FSTL4: variants seen among roughly 807,000 people sequenced by gnomAD.
The protein encoded by FSTL4 is follistatin like 4.
A neutral mutation model predicts 78.2 loss-of-function variants in FSTL4; 28 were observed. The ratio of observed to expected loss-of-function variants is 0.36; its 90% CI spans 0.27 to 0.49. FSTL4 has a LOEUF of 0.49. Among genes scored for constraint, FSTL4 ranks in the 20% least tolerant of loss-of-function variants. The probability of loss-of-function intolerance (pLI) is 0.98; values close to 1 mark genes in which losing one functional copy is unlikely to be tolerated. For synonymous variants in FSTL4, 422 were observed against 440.5 expected, an observed-to-expected ratio of 0.96 and a Z score of 0.53; for missense variants, 922 against 1,084.9, an observed-to-expected ratio of 0.85 and a Z score of 2.11.
the FSTL4 span, among the ~76,000 whole-genome samples, chr5:133,701,248 C>G: frequency 1.3e-5 from 2 of 151,728 alleles, no homozygotes; most frequent in Non-Finnish European, 2.9e-5. Flanking sequence ...ACTAAAAATA[C>G]AAAAATTAGC....
At chr5:133,667,051 T>C in the FSTL4 span, among the ~76,000 whole-genome samples, 2 of 152,248 alleles carry the variant, frequency 1.3e-5, no homozygotes, top group African/African-American at 4.8e-5. Flanking sequence ...CTAATAGGCA[T>C]TAAAAACTGA....
chr5:133,468,395 T>G (rs952975332), intron 3 of FSTL4, among the ~76,000 whole-genome samples: 3 of 152,202 alleles, frequency 2.0e-5, no homozygotes, highest in African/African-American at 7.2e-5. Context: ...TTTGTGGCTG[T>G]CTGTATTTTG....
At chr5:133,409,038 G>A (rs1756428017) in intron 3 of FSTL4, among the ~76,000 whole-genome samples, 1 of 152,162 alleles carries the variant, frequency 6.6e-6, no homozygotes, top group African/African-American at 2.4e-5. Context: ...TTTTTAAAAA[G>A]GCAGATGCAA....
the FSTL4 span, among the ~76,000 whole-genome samples, chr5:133,819,676 CA>C: frequency 6.6e-6 from 1 of 152,208 alleles, no homozygotes; most frequent in Non-Finnish European, 1.5e-5. Flanking sequence ...CGCATTGTTC[CA>C]GATGAGACCT....
chr5:133,462,466 T>G (rs1186971944), intron 3 of FSTL4, among the ~76,000 whole-genome samples: 1 of 152,252 alleles, frequency 6.6e-6, no homozygotes, highest in African/African-American at 2.4e-5. Context: ...TGGCCCAGAA[T>G]TCAATTCAAC....
rs568919225 is a variant in FSTL4 at position 133,515,423 on chromosome 5, C to G, written c.160+51763G>C. Among the ~76,000 whole-genome samples, 334 of 151,290 alleles carry G rather than the reference C, an allele frequency of 2.2e-3. 1 individual carries two copies. Among genetic ancestry groups the G allele is most frequent in the Non-Finnish European group, 1.8e-3 (122 of 67,848 alleles). On this transcript the variant is annotated intron_variant, in intron 3 of 15. Transcript: ENST00000265342. ...AGGAAAGGAAAAAAAAAAAAACTTC[C>G]AAAATTTTTAAAGGTAACCTATGGG... is the stretch of plus-strand genomic sequence containing the variant.
intron 6 of FSTL4, among the ~76,000 whole-genome samples, chr5:133,293,276 G>A (rs748881530): frequency 6.6e-6 from 1 of 152,192 alleles, no homozygotes; most frequent in Non-Finnish European, 1.5e-5. Flanking sequence ...TTCTTTTTGT[G>A]CCCTTTTCTG....
intron 3 of FSTL4, among the ~76,000 whole-genome samples, chr5:133,442,630 G>T (rs12188419): frequency 6.1e-4 from 93 of 152,304 alleles, no homozygotes; most frequent in Non-Finnish European, 9.3e-4. Context: ...TCACGCAGTG[G>T]TACATAATCT....
At chr5:133,248,515 A>G (rs1752113590) in intron 7 of FSTL4, 1 of 152,228 alleles carries the variant, frequency 6.6e-6, no homozygotes, top group South Asian at 2.1e-4. Context: ...GGGAAGCCAC[A>G]TCACCTCTTG....
At chr5:133,721,253 CTTTA>C in the FSTL4 span, among the ~76,000 whole-genome samples, 2 of 152,076 alleles carry the variant, frequency 1.3e-5, no homozygotes, top group Admixed American at 1.3e-4. Context: ...CTCATCGTAG[CTTTA>C]TTTATTTTTG....
intron 3 of FSTL4, among the ~76,000 whole-genome samples, chr5:133,550,608 G>A (rs2112928169): frequency 6.6e-6 from 1 of 152,260 alleles, no homozygotes; most frequent in African/African-American, 2.4e-5. Flanking sequence ...TGCCATAGGA[G>A]GTAGATAGAA....
intron 1 of FSTL4, among the ~76,000 whole-genome samples, chr5:133,610,967 G>C (rs950786753): frequency 3.3e-5 from 5 of 152,122 alleles, no homozygotes; most frequent in African/African-American, 1.2e-4. Flanking sequence ...GAACCTGGAC[G>C]GATGTTTGTA....
At chr5:133,811,531 G>A in the FSTL4 span, among the ~76,000 whole-genome samples, 36 of 152,300 alleles carry the variant, frequency 2.4e-4, no homozygotes, top group Admixed American at 1.2e-3. Context: ...ACCCTGAGCC[G>A]CCTTGGGCCT....
At chr5:133,444,389 C>T (rs1757219488) in intron 3 of FSTL4, among the ~76,000 whole-genome samples, 1 of 152,204 alleles carries the variant, frequency 6.6e-6, no homozygotes, top group Non-Finnish European at 1.5e-5. Context: ...TTACCTACAG[C>T]CACCCTGCCT....
At chr5:133,241,047 G>C (rs1751855832) in intron 7 of FSTL4, among the ~76,000 whole-genome samples, 2 of 152,164 alleles carry the variant, frequency 1.3e-5, no homozygotes, top group African/African-American at 4.8e-5. Flanking sequence ...CAAAAGCTTT[G>C]GACACCGAGG....
At position 133,490,610 on chromosome 5, in the gene FSTL4, G is replaced by C. The variant is rs74760916; in HGVS notation, c.160+76576C>G. On this transcript the variant is annotated intron_variant, in intron 3 of 15. Coordinates refer to ENST00000265342, the MANE Select transcript of FSTL4 (RefSeq NM_015082.2). ...TATTGCTTGCTTCTAAACTTTCAGCGATTTCAGTTAGGACCTATTCTCTGA... is the reference window on the plus strand; with the variant it reads ...TATTGCTTGCTTCTAAACTTTCAGCCATTTCAGTTAGGACCTATTCTCTGA... Among the ~76,000 whole-genome samples, 3 of 152,114 alleles carry C rather than the reference G, an allele frequency of 2.0e-5. No individual in the cohort carries two copies. The South Asian group carries it at 6.2e-4, about 32-fold the overall frequency.
chr5:133,514,245 C>T (rs916914842), intron 3 of FSTL4, among the ~76,000 whole-genome samples: 3 of 150,092 alleles, frequency 2.0e-5, no homozygotes, highest in Non-Finnish European at 4.4e-5. Flanking sequence ...TCAGGGAGAA[C>T]AGGAGGAATC....
intron 6 of FSTL4, among the ~76,000 whole-genome samples, chr5:133,290,257 G>C (rs1262279446): frequency 6.6e-6 from 1 of 152,242 alleles, no homozygotes; most frequent in African/African-American, 2.4e-5. Context: ...AGGTGAGACT[G>C]TTTGCTGCTC....
chr5:133,217,137 C>T lies in FSTL4; in HGVS notation c.1608+92G>A, dbSNP rs1022326185. On this transcript the variant is annotated intron_variant, in intron 13 of 15. Coordinates refer to ENST00000265342, the MANE Select transcript of FSTL4 (RefSeq NM_015082.2). ...CTCCCTTCAGTCTGACCACCTGGCA[C>T]AGGAGCTGGGGAGTATGCAGAAAGC... The T allele has an allele frequency of 3.9e-6, 4 of 1,013,804 alleles. No homozygotes were observed. The South Asian group carries it at 4.6e-5, about 12-fold the overall frequency. 62.8% of individuals were successfully genotyped at this position (1,013,804 alleles called of 1,614,324 possible).
Sources: allele counts gnomAD v4.1 joint callset (sites outside exome capture counted in the v4.1 genomes callset), GRCh38; gene constraint gnomAD v4.1.1; transcripts MANE v1.5; gene names NCBI Gene and HGNC (gene_info 2026-07-23, HGNC 2026-07-21).